Variants in ZNF547 observed in about 807,000 individuals in gnomAD.
ZNF547 encodes the protein zinc finger protein 547.
Under a neutral mutation model 7.7 loss-of-function variants are expected in ZNF547, and 4 were observed. That is an observed-to-expected ratio of 0.52 (90% CI 0.26 to 1.20). The LOEUF (loss-of-function observed/expected upper bound fraction) is 1.20, where lower values mean the gene tolerates loss of function less well. Among genes scored for constraint, ZNF547 ranks in the 50% most tolerant of loss-of-function variants. The pLI, the probability that ZNF547 is intolerant of heterozygous loss-of-function variation, is 0.14. For synonymous variants in ZNF547, 166 were observed against 166.2 expected, an observed-to-expected ratio of 1.00 and a Z score of 0.01; for missense variants, 449 against 485.8, an observed-to-expected ratio of 0.92 and a Z score of 0.71.
intron 1 of ZNF547, among the ~76,000 whole-genome samples, chr19:57,366,807 A>G (rs910733634): frequency 3.2e-4 from 49 of 152,234 alleles, no homozygotes; most frequent in African/African-American, 1.1e-3. Flanking sequence ...TGGAAGTGAA[A>G]TGTCATAGCA....
chr19:57,369,286 G>T (rs984898982), intron 2 of ZNF547, among the ~76,000 whole-genome samples: 1 of 152,120 alleles, frequency 6.6e-6, no homozygotes, highest in Non-Finnish European at 1.5e-5. Context: ...GAGGCAGCTG[G>T]GGGGGTGGGA....
intron 2 of ZNF547, among the ~76,000 whole-genome samples, chr19:57,370,131 T>C (rs949458261): frequency 6.6e-6 from 1 of 152,048 alleles, no homozygotes; most frequent in Non-Finnish European, 1.5e-5. Context: ...GACCTCGTGA[T>C]CCATCCTCCT....
At position 57,377,198 on chromosome 19, in the gene ZNF547, C is replaced by G; in HGVS notation, c.222C>G (p.Val74=). The G allele has an allele frequency of 6.2e-7, 1 of 1,614,190 alleles. No homozygotes were observed. Among genetic ancestry groups the G allele is most frequent in the Non-Finnish European group, 8.5e-7 (1 of 1,180,036 alleles). Residue 74 remains valine, a synonymous_variant, in exon 4 of 4, where the codon GTC becomes GTG. Coordinates refer to ENST00000282282, the MANE Select transcript of ZNF547 (RefSeq NM_173631.4). ...EPGVSVGVSQ[V]MAPKPCLSTQ... is the part of the protein sequence containing the mutation. ...GTGTTTCTGTAGGAGTGTCACAGGT[C>G]ATGGCTCCAAAGCCCTGTCTATCTA...
intron 1 of ZNF547, chr19:57,365,458 T>C (rs2088460448): frequency 1.9e-6 from 1 of 529,812 alleles, no homozygotes. Flanking sequence ...TATTTCCTTG[T>C]GAACAATGTT....
chr19:57,374,787 C>A (rs1213944207), intron 3 of ZNF547, among the ~76,000 whole-genome samples: 1 of 152,212 alleles, frequency 6.6e-6, no homozygotes, highest in African/African-American at 2.4e-5. Context: ...CAGTCCCCAA[C>A]AAGTTCCTCA....
chr19:57,370,481 G>A (rs1331224411), intron 2 of ZNF547, among the ~76,000 whole-genome samples: 1 of 152,234 alleles, frequency 6.6e-6, no homozygotes, highest in Non-Finnish European at 1.5e-5. Context: ...CCTGTTAGGA[G>A]GTGAAGGAAA....
intron 2 of ZNF547, among the ~76,000 whole-genome samples, chr19:57,369,899 CTTTTT>C (rs61547238): frequency 2.3e-4 from 12 of 51,678 alleles, no homozygotes; most frequent in African/African-American, 4.7e-4. Context: ...ACTCACAGTT[CTTTTT>C]TTTTTTTTTT....
At chr19:57,365,742 C>T (rs1435453585) in intron 1 of ZNF547, among the ~76,000 whole-genome samples, 3 of 151,820 alleles carry the variant, frequency 2.0e-5, no homozygotes, top group Admixed American at 6.6e-5. Context: ...CTCCTGACCT[C>T]GTGATCTGCC....
intron 2 of ZNF547, 90 bp downstream of exon 2, chr19:57,368,669 T>A (rs1303950379): frequency 8.1e-6 from 10 of 1,231,594 alleles, no homozygotes; most frequent in Non-Finnish European, 9.5e-6. Context: ...GTCCAGAGAC[T>A]CTCTTTCTGT....
chr19:57,373,304 G>A (rs1715760084), intron 3 of ZNF547, among the ~76,000 whole-genome samples: 1 of 152,108 alleles, frequency 6.6e-6, no homozygotes, highest in South Asian at 2.1e-4. Context: ...AGAACGGCAT[G>A]GGGGAAACTG....
Position 57,377,724 on chromosome 19 carries a change from A to T in ZNF547, c.748A>T (p.Met250Leu). Residue 250 changes from methionine (M) to leucine (L), a missense_variant, in exon 4 of 4, where the codon ATG becomes TTG. Physicochemically the swap from Met to Leu is conservative, Grantham distance 15 (BLOSUM62 2). Coordinates refer to ENST00000282282, the MANE Select transcript of ZNF547 (RefSeq NM_173631.4). The stretch of plus-strand genomic sequence containing the variant: ...GTGCAGTGAATGTGGGAAATTGTTT[A>T]TGTGGAGTTCCACACTCATTACACA... ...YECSECGKLF[M>L]WSSTLITHQR... The T allele has an allele frequency of 1.2e-6, 2 of 1,614,124 alleles. No individual in the cohort carries two copies. Among genetic ancestry groups the T allele is most frequent in the Non-Finnish European group, 8.5e-7 (1 of 1,180,006 alleles).
At position 57,377,691 on chromosome 19, in the gene ZNF547, C is replaced by T. The variant is rs779915584; in HGVS notation, c.715C>T (p.Pro239Ser). ...RHQTIHSGERPYECSECGKLF... is the reference protein window; with the variant it reads ...RHQTIHSGERSYECSECGKLF... ...CCAGACAATCCACTCTGGAGAAAGGCCTTATGAGTGCAGTGAATGTGGGAA... is the reference window on the plus strand; with the variant it reads ...CCAGACAATCCACTCTGGAGAAAGGTCTTATGAGTGCAGTGAATGTGGGAA... Residue 239 changes from proline to serine, a missense_variant, in exon 4 of 4, where the codon CCT becomes TCT. Transcript: ENST00000282282. The T allele has an allele frequency of 6.2e-7, 1 of 1,612,372 alleles. No individual in the cohort carries two copies. The highest frequency in any genetic ancestry group is 8.5e-7 in the Non-Finnish European group (1 of 1,178,686).
At chr19:57,377,014 G>A in intron 3 of ZNF547, 114 bp from the exon 4 acceptor site, 2 of 1,102,838 alleles carry the variant, frequency 1.8e-6, no homozygotes, top group Non-Finnish European at 2.6e-6. Flanking sequence ...CAGGGTTCAT[G>A]CCTGTCACCA....
At chr19:57,363,773 A>C (rs1305398667) in intron 1 of ZNF547, 70 bp downstream of exon 1, 1 of 152,788 alleles carries the variant, frequency 6.5e-6, no homozygotes, top group Admixed American at 6.6e-5. Context: ...AGCCCATAGA[A>C]GGGGCCCTGC....
rs1442725005 is a variant in ZNF547 at position 57,378,266 on chromosome 19, A to C, written c.*81A>C. 3 of 1,296,182 alleles carry C rather than the reference A, an allele frequency of 2.3e-6. No individual in the cohort carries two copies. The South Asian group carries it at 4.0e-5, about 17-fold the overall frequency. 80.3% of individuals were successfully genotyped at this position (1,296,182 alleles called of 1,614,324 possible). Reference sequence around the variant, plus strand: ...CTGGACAGCAGGCAGTACACACTGGAGAAAGACTGAATGCCGTGAACGTGG... The same window carrying C: ...CTGGACAGCAGGCAGTACACACTGGCGAAAGACTGAATGCCGTGAACGTGG... On this transcript the variant is annotated 3_prime_UTR_variant, in exon 4 of 4. Transcript: ENST00000282282.
At chr19:57,365,467 T>C (rs2088460511) in intron 1 of ZNF547, 5 of 515,354 alleles carry the variant, frequency 9.7e-6, no homozygotes, top group Non-Finnish European at 1.7e-5. Context: ...GTGAACAATG[T>C]TATTTATAAA....
chr19:57,370,440 G>A (rs900513545), intron 2 of ZNF547, among the ~76,000 whole-genome samples: 4 of 152,338 alleles, frequency 2.6e-5, no homozygotes, highest in Middle Eastern at 3.4e-3. Context: ...CGTATTTGCC[G>A]TGCACCACCT....
chr19:57,366,707 G>A (rs2088473162), intron 1 of ZNF547, among the ~76,000 whole-genome samples: 1 of 140,562 alleles, frequency 7.1e-6, no homozygotes, highest in Middle Eastern at 3.6e-3. Flanking sequence ...CACCATACCC[G>A]GCCCAGATAG....
chr19:57,366,571 G>T (rs960303), intron 1 of ZNF547, among the ~76,000 whole-genome samples: 1 of 130,814 alleles, frequency 7.6e-6, no homozygotes. Context: ...TTTTTTTGAC[G>T]TGGAGTTTTG....
Sources: allele counts gnomAD v4.1 joint callset (sites outside exome capture counted in the v4.1 genomes callset), GRCh38; gene constraint gnomAD v4.1.1; transcripts MANE v1.5; gene names NCBI Gene and HGNC (gene_info 2026-07-23, HGNC 2026-07-21).